Variants in LIPH observed in about 807,000 individuals in gnomAD.
LIPH encodes lipase H.
A neutral mutation model predicts 47.6 loss-of-function variants in LIPH; 32 were observed. That is an observed-to-expected ratio of 0.67 (90% confidence interval 0.51 to 0.90). The LOEUF is 0.90. Ranked by LOEUF, LIPH falls within the 40% of genes least tolerant of loss-of-function variation. The pLI is 0.00. For missense variants in LIPH, 497 were observed against 541.4 expected, an observed-to-expected ratio of 0.92 and a Z score of 0.81; for synonymous variants, 190 against 195.6, an observed-to-expected ratio of 0.97 and a Z score of 0.24.
chr3:185,511,030 GCTAC>G lies in LIPH; in HGVS notation c.1268+490_1268+493del, dbSNP rs766172647. On this transcript the variant is annotated intron_variant, in intron 9 of 9. Transcript: ENST00000296252. ...CAGTATAATTTTCTTGGATTACTGGGCTACCTGTTTTTATTTTTAAAATTTTTTA... is the reference window on the plus strand; with the variant it reads ...CAGTATAATTTTCTTGGATTACTGGGCTGTTTTTATTTTTAAAATTTTTTA... 3.7e-4 allele frequency among the ~76,000 whole-genome samples: 56 copies of G among 152,090 alleles called. 1 individual carries two copies. Among genetic ancestry groups the G allele is most frequent in the South Asian group, 4.2e-4 (2 of 4,810 alleles).
At chr3:185,542,979 AG>A (rs763190384) in intron 1 of LIPH, among the ~76,000 whole-genome samples, 1 of 152,114 alleles carries the variant, frequency 6.6e-6, no homozygotes, top group Non-Finnish European at 1.5e-5. Flanking sequence ...AGGCCAAGGC[AG>A]GCAGATCACT....
chr3:185,525,133 C>T (rs1326941939), intron 4 of LIPH, among the ~76,000 whole-genome samples: 2 of 152,038 alleles, frequency 1.3e-5, no homozygotes, highest in South Asian at 2.1e-4. Context: ...GAGGATCACT[C>T]GAGCTAGGAG....
chr3:185,522,524 G>GAAGAGAGGAA (rs1719924545), intron 5 of LIPH, among the ~76,000 whole-genome samples: 2 of 148,694 alleles, frequency 1.3e-5, no homozygotes, highest in Non-Finnish European at 3.0e-5. Flanking sequence ...AGGAAGGAAG[G>GAAGAGAGGAA]GAAAGGAAGG....
In LIPH at chr3:185,519,170, C is replaced by T. The variant is rs139327062; in HGVS notation, c.858G>A (p.Thr286=). Residue 286 remains threonine (T), a synonymous_variant, in exon 6 of 10, where the codon ACG becomes ACA. Transcript: ENST00000296252. ...YRNGKCVSCG[T]SQKESCPLLG... ...GAAGGGGACAGGACTCTTTTTGTGA[C>T]GTGCCGCAGCTGACACACTTGCCAT... The T allele has an allele frequency of 1.9e-4, 311 of 1,614,056 alleles. 1 individual carries two copies. Among genetic ancestry groups the T allele is most frequent in the Non-Finnish European group, 2.1e-4 (250 of 1,179,956 alleles).
At chr3:185,528,466 C>A in intron 3 of LIPH, among the ~76,000 whole-genome samples, 2 of 152,144 alleles carry the variant, frequency 1.3e-5, no homozygotes. Flanking sequence ...TATATGCTAG[C>A]CCCTTTGATC....
intron 1 of LIPH, among the ~76,000 whole-genome samples, chr3:185,549,319 T>C (rs1165499115): frequency 6.6e-6 from 1 of 152,110 alleles, no homozygotes; most frequent in Non-Finnish European, 1.5e-5. Flanking sequence ...CTGAATCATG[T>C]GCATAAATAT....
chr3:185,533,568 T>TA lies in LIPH; in HGVS notation c.526+2dup, dbSNP rs753743104. 3.4e-5 allele frequency: 54 copies of TA among 1,601,900 alleles called. No individual in the cohort carries two copies. The African/African-American group carries it at 5.9e-4, about 17-fold the overall frequency. On this transcript the variant is annotated splice_region_variant and intron_variant, in intron 3 of 9. Transcript: ENST00000296252. ...CAACCCATGCCCATTCACAGGCACT[T>TA]ACCTGTAATTCTCCCCAGCCATCCA...
Position 185,508,564 on chromosome 3 carries a change from G to A in LIPH, c.*226C>T, listed in dbSNP as rs945885750. ...AGCAGACACAGCGCTGCGCTGCTGC[G>A]AGCCTGGCTATTTCTGACTTGCCCT... On this transcript the variant is annotated 3_prime_UTR_variant, in exon 10 of 10. Transcript: ENST00000296252. The A allele has an allele frequency of 1.4e-5, 8 of 555,796 alleles. No homozygotes were observed. Among genetic ancestry groups the A allele is most frequent in the Admixed American group, 3.0e-5 (1 of 33,780 alleles). 34.4% of individuals were successfully genotyped at this position (555,796 alleles called of 1,614,324 possible).
intron 4 of LIPH, among the ~76,000 whole-genome samples, chr3:185,526,599 ATAAAATAAAAAAT>A (rs1429951729): frequency 7.5e-6 from 1 of 133,524 alleles, no homozygotes; most frequent in Non-Finnish European, 1.6e-5. Flanking sequence ...ATAAAATAAA[ATAAAATAAAAAAT>A]AAAATAATAA....
At position 185,508,038 on chromosome 3, in the gene LIPH, A is replaced by T. The variant is rs949073144; in HGVS notation, c.*752T>A. The T allele has an allele frequency of 6.6e-6, 1 of 152,174 alleles. No homozygotes were observed. The highest frequency in any genetic ancestry group is 2.4e-5 in the African/African-American group (1 of 41,288). The allele number at this position is 152,174 out of a possible 1,614,324, so 9.4% of individuals were successfully genotyped here. A position where few individuals can be genotyped will look rare whatever the true frequency, so the allele number is the denominator to read the frequency against. On this transcript the variant is annotated 3_prime_UTR_variant, in exon 10 of 10. Transcript: ENST00000296252. ...CCTCGTCCTTCTTTCTTCATCCACT[A>T]TCTAGTCCCAGCAGCCGCCCTCTTA...
chr3:185,520,778 CT>C (rs1275423989), intron 5 of LIPH, among the ~76,000 whole-genome samples: 1 of 151,932 alleles, frequency 6.6e-6, no homozygotes, highest in Non-Finnish European at 1.5e-5. Context: ...TTCTCCCATT[CT>C]TATTTCACTT....
chr3:185,528,357 A>AGAAAGAAAGAAAGCGC (rs1720194852), intron 3 of LIPH, among the ~76,000 whole-genome samples: 2 of 151,626 alleles, frequency 1.3e-5, no homozygotes, highest in African/African-American at 4.8e-5. Context: ...AAAGAAAGAA[A>AGAAAGAAAGAAAGCGC]GCGCTATACT....
Position 185,546,969 on chromosome 3 carries a change from G to T in LIPH, c.49+5454C>A, listed in dbSNP as rs191540008. ...AGACTCCTCATTCATATCCAAAGAG[G>T]CATCTGTGAAAAAAGAAGACAGAAT... On this transcript the variant is annotated intron_variant, in intron 1 of 9. Transcript: ENST00000296252. The T allele has an allele frequency of 1.4e-5, 6 of 440,936 alleles. No homozygotes were observed. In the East Asian group the frequency reaches 4.2e-4, roughly 31 times the overall value. The allele number at this position is 440,936 out of a possible 1,614,324, so 27.3% of individuals were successfully genotyped here.
chr3:185,538,166 CAT>C (rs761809448), intron 1 of LIPH, among the ~76,000 whole-genome samples: 8 of 152,058 alleles, frequency 5.3e-5, no homozygotes, highest in Non-Finnish European at 1.0e-4. Context: ...CGGAGAAGTC[CAT>C]CGTAAGTATT....
At chr3:185,538,965 ATATT>A (rs1720615085) in intron 1 of LIPH, among the ~76,000 whole-genome samples, 1 of 148,174 alleles carries the variant, frequency 6.7e-6, no homozygotes, top group Admixed American at 6.9e-5. Flanking sequence ...ACACATATAT[ATATT>A]TTTTTTTATT....
At chr3:185,510,883 C>T (rs1419858742) in intron 9 of LIPH, among the ~76,000 whole-genome samples, 2 of 152,048 alleles carry the variant, frequency 1.3e-5, no homozygotes, top group Non-Finnish European at 1.5e-5. Context: ...TTCTTTTCTA[C>T]AACAAATTAC....
chr3:185,520,451 A>G (rs1719867747), intron 5 of LIPH, among the ~76,000 whole-genome samples: 1 of 151,656 alleles, frequency 6.6e-6, no homozygotes, highest in African/African-American at 2.4e-5. Flanking sequence ...TGGAAGGCGG[A>G]GGTTGCAGTG....
chr3:185,541,126 C>T (rs1417051622), intron 1 of LIPH, among the ~76,000 whole-genome samples: 2 of 152,164 alleles, frequency 1.3e-5, no homozygotes, highest in Admixed American at 6.5e-5. Context: ...TTATTTTTGG[C>T]TCATCTGGTG....
intron 5 of LIPH, among the ~76,000 whole-genome samples, chr3:185,522,451 G>T (rs1560160596): frequency 2.0e-5 from 3 of 151,268 alleles, no homozygotes; most frequent in Admixed American, 6.6e-5. Context: ...AGGAAGGAAG[G>T]AAGGAAGAAG....
Sources: gnomAD v4.1 joint callset for allele counts (sites outside exome capture counted in the v4.1 genomes callset) on GRCh38, gnomAD v4.1.1 for gene constraint, MANE v1.5 for transcripts, NCBI Gene and HGNC (gene_info 2026-07-23, HGNC 2026-07-21) for gene names.